The following C11orf65 variants were observed in gnomAD, a reference collection of about 807,000 sequenced individuals.
The protein encoded by C11orf65 is chromosome 11 open reading frame 65.
Under a neutral mutation model 35.3 loss-of-function variants are expected in C11orf65, and 38 were observed. The observed-to-expected ratio is 1.08, with a 90% CI of 0.83 to 1.41. The LOEUF (loss-of-function observed/expected upper bound fraction) is 1.41, where lower values mean the gene tolerates loss of function less well. C11orf65 is among the 40% of genes most tolerant of loss of function. The pLI, the probability that C11orf65 is intolerant of heterozygous loss-of-function variation, is 0.00. For missense variants in C11orf65, 370 were observed against 367.1 expected (o/e 1.01, Z -0.06); for synonymous variants, 105 against 114.4 (o/e 0.92, Z 0.53).
downstream of C11orf65, among the ~76,000 whole-genome samples, chr11:108,381,417 T>A (rs550696566): frequency 1.2e-3 from 182 of 152,324 alleles, no homozygotes; most frequent in Non-Finnish European, 1.1e-3. Context: ...CTGGTCATGT[T>A]TGGCTCCTCA....
At chr11:108,327,667 C>T (rs150503164), downstream of C11orf65, 69 of 1,613,754 alleles carry the variant, frequency 4.3e-5, no homozygotes, top group African/African-American at 8.8e-4. Flanking sequence ...CTAAAACTTA[C>T]ATACACAGAA....
At chr11:108,405,190 T>C (rs1276868327) in intron 6 of C11orf65, among the ~76,000 whole-genome samples, 4 of 152,292 alleles carry the variant, frequency 2.6e-5, no homozygotes, top group South Asian at 2.1e-4. Flanking sequence ...CCCTAGCTGA[T>C]TGGGGCCAGC....
At chr11:108,354,738 A>C (rs947222695) in intron 2 of C11orf65, 16 of 1,245,692 alleles carry the variant, frequency 1.3e-5, no homozygotes, top group Non-Finnish European at 1.7e-5. Context: ...TACACATGAG[A>C]GTATACAGAT....
At chr11:108,393,557 G>A (rs1041291136) in intron 6 of C11orf65, among the ~76,000 whole-genome samples, 179 bp from the exon 7 acceptor site, 10 of 152,112 alleles carry the variant, frequency 6.6e-5, no homozygotes, top group Admixed American at 2.6e-4. Context: ...AATCTTCTGG[G>A]GGGAAAAGCA....
intron 2 of C11orf65, among the ~76,000 whole-genome samples, chr11:108,435,778 T>C (rs963835968): frequency 2.0e-5 from 3 of 152,178 alleles, no homozygotes; most frequent in Non-Finnish European, 4.4e-5. Context: ...CTGCTCCCAT[T>C]CCCCTAAAAC....
intron 2 of C11orf65, among the ~76,000 whole-genome samples, chr11:108,358,426 A>G (rs549146100): frequency 5.6e-4 from 85 of 150,900 alleles, no homozygotes; most frequent in South Asian, 1.1e-3. Context: ...CAACGTTCAG[A>G]TTCAGGAAAT....
chr11:108,375,293 GA>G (rs1176109405), intron 2 of C11orf65, among the ~76,000 whole-genome samples: 2 of 146,110 alleles, frequency 1.4e-5, no homozygotes, highest in African/African-American at 5.6e-5. Flanking sequence ...GATCTTGGCA[GA>G]AACCCTACAA....
intron 2 of C11orf65, 131 bp from the exon 3 acceptor site, chr11:108,431,969 G>A: frequency 2.2e-6 from 1 of 451,750 alleles, no homozygotes; most frequent in Non-Finnish European, 4.0e-6. Flanking sequence ...CTAGATTTTA[G>A]AAATATTATG....
chr11:108,439,481 T>C (rs377089601), intron 2 of C11orf65, among the ~76,000 whole-genome samples: 8 of 152,146 alleles, frequency 5.3e-5, no homozygotes, highest in Non-Finnish European at 7.3e-5. Flanking sequence ...TCTAGACATA[T>C]ACCAAAAAGA....
intron 2 of C11orf65, among the ~76,000 whole-genome samples, chr11:108,453,151 A>T (rs1330692703): frequency 2.0e-5 from 3 of 147,454 alleles, no homozygotes; most frequent in African/African-American, 7.3e-5. Context: ...TATAATTAAA[A>T]AAAAAAGAAA....
chr11:108,343,719 G>A (rs1320635899), intron 2 of C11orf65, among the ~76,000 whole-genome samples: 1 of 152,120 alleles, frequency 6.6e-6, no homozygotes, highest in Non-Finnish European at 1.5e-5. Flanking sequence ...GGCTGAGTCT[G>A]GGGGATCCCT....
chr11:108,320,174 T>C, intron 6 of C11orf65: 1 of 780,736 alleles, frequency 1.3e-6, no homozygotes, highest in Non-Finnish European at 2.2e-6. Flanking sequence ...GATAAAGACT[T>C]GGTGGCTGTG....
intron 3 of C11orf65, among the ~76,000 whole-genome samples, chr11:108,417,748 C>A (rs1411136547): frequency 6.6e-6 from 1 of 151,748 alleles, no homozygotes; most frequent in Non-Finnish European, 1.5e-5. Context: ...AGGGGAACAT[C>A]ACACTCTGGG....
In C11orf65 at chr11:108,461,574, A is replaced by C. The variant is rs1307059862; in HGVS notation, c.-9-6T>G. ...TTCCAAGGCATTTGAAATTCCTAAA[A>C]GAAAATGAGCAAAAAGGGTACATTT... On this transcript the variant is annotated splice_polypyrimidine_tract_variant and splice_region_variant and intron_variant, in intron 1 of 8. Transcript: ENST00000393084. 2 of 1,521,916 alleles carry C rather than the reference A, an allele frequency of 1.3e-6. No individual in the cohort carries two copies. Among genetic ancestry groups the C allele is most frequent in the Non-Finnish European group, 9.0e-7 (1 of 1,108,398 alleles). 94.3% of individuals were successfully genotyped at this position (1,521,916 alleles called of 1,614,324 possible).
intron 6 of C11orf65, chr11:108,316,255 C>A: frequency 1.1e-6 from 1 of 899,368 alleles, no homozygotes; most frequent in Non-Finnish European, 1.8e-6. Context: ...TTAGGCTAAA[C>A]ATTCAGGGAT....
At chr11:108,331,004 G>A (rs1213141712), downstream of C11orf65, among the ~76,000 whole-genome samples, 1 of 152,122 alleles carries the variant, frequency 6.6e-6, no homozygotes, top group Non-Finnish European at 1.5e-5. Flanking sequence ...TGTTTCTCCT[G>A]CAGGAAAATA....
chr11:108,366,636 T>C, intron 2 of C11orf65: 1 of 230,668 alleles, frequency 4.3e-6, no homozygotes, highest in Non-Finnish European at 8.6e-6. Context: ...CACAAGCCCA[T>C]TCTTATTTTA....
intron 2 of C11orf65, among the ~76,000 whole-genome samples, chr11:108,448,100 T>G (rs1030155040): frequency 6.6e-6 from 1 of 152,170 alleles, no homozygotes; most frequent in Non-Finnish European, 1.5e-5. Context: ...GTTGAATCTC[T>G]GAATAGACCA....
intron 2 of C11orf65, among the ~76,000 whole-genome samples, chr11:108,370,391 A>G (rs556774678): frequency 6.6e-6 from 1 of 151,614 alleles, no homozygotes; most frequent in Non-Finnish European, 1.5e-5. Context: ...TGGATTTTCT[A>G]TGTATATAAT....
Sources: allele counts gnomAD v4.1 joint callset (sites outside exome capture counted in the v4.1 genomes callset), GRCh38; gene constraint gnomAD v4.1.1; transcripts MANE v1.5; gene names NCBI Gene and HGNC (gene_info 2026-07-23, HGNC 2026-07-21).